MAP3K21: variants seen among roughly 807,000 people sequenced by gnomAD.
The protein encoded by MAP3K21 is mitogen-activated protein kinase kinase kinase MLK4.
MAP3K21 carries 63 observed loss-of-function variants against 86.1 expected under a neutral mutation model. That is an observed-to-expected ratio of 0.73 (90% CI 0.60 to 0.90). The LOEUF (loss-of-function observed/expected upper bound fraction) is 0.90. Among genes scored for constraint, MAP3K21 ranks in the 40% least tolerant of loss-of-function variants. MAP3K21 has a pLI of 0.00. For synonymous variants in MAP3K21, 558 were observed against 564.8 expected (o/e 0.99, Z 0.17); for missense variants, 1,220 against 1,367.7 (o/e 0.89, Z 1.70).
intron 9 of MAP3K21, among the ~76,000 whole-genome samples, chr1:233,380,390 C>T (rs1663892154): frequency 6.6e-6 from 1 of 152,190 alleles, no homozygotes; most frequent in South Asian, 2.1e-4. Context: ...ACATCAGTCA[C>T]ATTGGATTAG....
intron 5 of MAP3K21, among the ~76,000 whole-genome samples, chr1:233,364,013 C>CA (rs1025566213): frequency 0.014 from 1,991 of 141,640 alleles, 44 homozygotes; most frequent in African/African-American, 0.047. Flanking sequence ...GACTCTGTCT[C>CA]AAAAAAAAAA....
chr1:233,368,642 T>TA (rs1196564859), intron 5 of MAP3K21, among the ~76,000 whole-genome samples: 6 of 146,328 alleles, frequency 4.1e-5, no homozygotes, highest in African/African-American at 1.5e-4. Flanking sequence ...GATAACAGAG[T>TA]AAAATCTTGT....
At position 233,378,963 on chromosome 1, in the gene MAP3K21, G is replaced by A; in HGVS notation, c.1957G>A (p.Gly653Arg). 1 of 1,613,260 alleles carries A rather than the reference G, an allele frequency of 6.2e-7. No individual in the cohort carries two copies. Among genetic ancestry groups the A allele is most frequent in the Non-Finnish European group, 8.5e-7 (1 of 1,179,580 alleles). ...SCEEPKLSPD[G>R]LEHRKPKQIK... The stretch of plus-strand genomic sequence containing the variant: ...TGAAGAGCCAAAACTTTCCCCTGAT[G>A]GATTAGAACACAGAAAACCAAAACA... The change falls in exon 9 of 10, where the codon GGA (glycine) becomes AGA (arginine). Residue 653 changes from glycine to arginine, a missense_variant. By Grantham distance (125) the Gly-to-Arg change is moderately radical. Coordinates refer to ENST00000366624, the MANE Select transcript of MAP3K21 (RefSeq NM_032435.3).
At chr1:233,381,742 G>C (rs1439584525) in intron 9 of MAP3K21, among the ~76,000 whole-genome samples, 1 of 152,142 alleles carries the variant, frequency 6.6e-6, no homozygotes, top group Non-Finnish European at 1.5e-5. Flanking sequence ...ATAATTATTT[G>C]CTAAAGTGGT....
In MAP3K21 at chr1:233,359,108, C is replaced by T. The variant is rs530310844; in HGVS notation, c.1312-2945C>T. On this transcript the variant is annotated intron_variant, in intron 4 of 9. Coordinates refer to ENST00000366624, the MANE Select transcript of MAP3K21 (RefSeq NM_032435.3). ...GATTACAGGCATGAGCCACCAGGCCCGGCCTTATTTTAACGTATTTTAATT... is the reference window on the plus strand; with the variant it reads ...GATTACAGGCATGAGCCACCAGGCCTGGCCTTATTTTAACGTATTTTAATT... 3.9e-4 allele frequency among the ~76,000 whole-genome samples: 59 copies of T among 152,198 alleles called. 1 individual carries two copies. The highest frequency in any genetic ancestry group is 6.3e-4 in the Non-Finnish European group (43 of 68,020).
chr1:233,360,536 A>G (rs1273282689), intron 4 of MAP3K21, among the ~76,000 whole-genome samples: 1 of 152,224 alleles, frequency 6.6e-6, no homozygotes, highest in East Asian at 1.9e-4. Context: ...ATTTCAGTCC[A>G]CTTTGGTTAG....
At chr1:233,337,966 T>C (rs963307906) in intron 1 of MAP3K21, among the ~76,000 whole-genome samples, 2 of 152,232 alleles carry the variant, frequency 1.3e-5, no homozygotes, top group African/African-American at 2.4e-5. Flanking sequence ...CTGCAAATAA[T>C]GCATCTGGTT....
In MAP3K21 at chr1:233,327,950, C is replaced by A; in HGVS notation, c.-79C>A. ...CTTCCCCCGGCGCCGACGGCCACAC[C>A]GCCGGACGATGCGCGCCCGCGGCCG... On this transcript the variant is annotated 5_prime_UTR_variant, in exon 1 of 10. Coordinates refer to ENST00000366624, the MANE Select transcript of MAP3K21 (RefSeq NM_032435.3). The A allele has an allele frequency of 8.5e-7, 1 of 1,171,356 alleles. No individual in the cohort carries two copies. The highest frequency in any genetic ancestry group is 1.1e-6 in the Non-Finnish European group (1 of 934,992). 72.6% of individuals were successfully genotyped at this position (1,171,356 alleles called of 1,614,324 possible). A position where few individuals can be genotyped will look rare whatever the true frequency, so the allele number is the denominator to read the frequency against.
chr1:233,350,792 G>A (rs1401844662), intron 2 of MAP3K21, among the ~76,000 whole-genome samples: 2 of 152,114 alleles, frequency 1.3e-5, no homozygotes. Context: ...CATGACTCCC[G>A]ACTCACAGCC....
At chr1:233,334,558 G>A (rs997008642) in intron 1 of MAP3K21, among the ~76,000 whole-genome samples, 2 of 151,170 alleles carry the variant, frequency 1.3e-5, no homozygotes, top group African/African-American at 4.9e-5. Flanking sequence ...GGAACAATGA[G>A]TAGTTAGGTG....
At chr1:233,333,738 G>A (rs1023620526) in intron 1 of MAP3K21, among the ~76,000 whole-genome samples, 7 of 152,210 alleles carry the variant, frequency 4.6e-5, no homozygotes, top group African/African-American at 1.2e-4. Context: ...AGGAGACAGA[G>A]GAAAGTATTT....
intron 1 of MAP3K21, among the ~76,000 whole-genome samples, chr1:233,336,513 C>T (rs1662917487): frequency 6.6e-6 from 1 of 150,576 alleles, no homozygotes; most frequent in Non-Finnish European, 1.5e-5. Flanking sequence ...TGCACTCCAG[C>T]CTGGGTAACA....
Position 233,346,427 on chromosome 1 carries a change from T to C in MAP3K21, c.806-15T>C. On this transcript the variant is annotated splice_polypyrimidine_tract_variant and intron_variant, in intron 1 of 9. Transcript: ENST00000366624. ...AAAAGAATATGCAAATGTCTCACTT[T>C]TGATTTTTCTTTAGTTTTGCTACTT... 1 of 1,570,624 alleles carries C rather than the reference T, an allele frequency of 6.4e-7. No individual in the cohort carries two copies. Among genetic ancestry groups the C allele is most frequent in the Middle Eastern group, 1.7e-4 (1 of 5,820 alleles).
intron 5 of MAP3K21, among the ~76,000 whole-genome samples, chr1:233,367,944 G>A (rs546153327): frequency 6.6e-6 from 1 of 152,216 alleles, no homozygotes; most frequent in South Asian, 2.1e-4. Context: ...GTTTTTGGAA[G>A]GTTGGAAGCA....
chr1:233,372,212 A>G (rs989250626), intron 6 of MAP3K21, 52 bp downstream of exon 6: 17 of 1,601,162 alleles, frequency 1.1e-5, no homozygotes, highest in Non-Finnish European at 1.5e-5. Context: ...CTCTCCTTTC[A>G]CTTGACTTGG....
chr1:233,365,415 G>A (rs770995321), intron 5 of MAP3K21, among the ~76,000 whole-genome samples: 7 of 152,128 alleles, frequency 4.6e-5, no homozygotes, highest in Non-Finnish European at 1.0e-4. Flanking sequence ...CACAGAACTC[G>A]AATAACTCAA....
chr1:233,334,787 C>T (rs1662881749), intron 1 of MAP3K21, among the ~76,000 whole-genome samples: 1 of 152,104 alleles, frequency 6.6e-6, no homozygotes, highest in Admixed American at 6.5e-5. Flanking sequence ...GCGGTCATTG[C>T]TTTATGACTG....
chr1:233,379,115 G>A lies in MAP3K21; in HGVS notation c.2109G>A (p.Glu703=). The part of the protein sequence containing the change: ...ASANAATVSI[E]MTPTNSLSRS... ...CGAATGCTGCCACAGTCTCCATTGA[G>A]ATGACTCCTACGAATAGTCTGAGTA... Residue 703 remains glutamate, a synonymous_variant, in exon 9 of 10, where the codon GAG becomes GAA. Coordinates refer to ENST00000366624, the MANE Select transcript of MAP3K21 (RefSeq NM_032435.3). 1 of 1,614,134 alleles carries A rather than the reference G, an allele frequency of 6.2e-7. No individual in the cohort carries two copies. Among genetic ancestry groups the A allele is most frequent in the Non-Finnish European group, 8.5e-7 (1 of 1,179,952 alleles).
intron 5 of MAP3K21, among the ~76,000 whole-genome samples, chr1:233,367,503 C>T (rs1220195693): frequency 6.6e-6 from 1 of 152,240 alleles, no homozygotes; most frequent in African/African-American, 2.4e-5. Flanking sequence ...CTTTAGTTTT[C>T]CCAAATGTTT....
Sources: allele counts gnomAD v4.1 joint callset (sites outside exome capture counted in the v4.1 genomes callset), GRCh38; gene constraint gnomAD v4.1.1; transcripts MANE v1.5; gene names NCBI Gene and HGNC (gene_info 2026-07-23, HGNC 2026-07-21).